Variants in AFDN observed in about 807,000 individuals in gnomAD.
The protein encoded by AFDN is afadin, adherens junction formation factor.
A neutral mutation model predicts 216.6 loss-of-function variants in AFDN; 68 were observed. That is an observed-to-expected ratio of 0.31 (90% CI 0.26 to 0.38). AFDN has a LOEUF of 0.38. AFDN is among the 10% of genes least tolerant of loss of function. The pLI is 1.00. For synonymous variants in AFDN, 868 were observed against 853.7 expected (o/e 1.02, Z -0.29); for missense variants, 2,136 against 2,342.0 (o/e 0.91, Z 1.82).
At chr6:167,883,546 G>A (rs951859762) in intron 6 of AFDN, among the ~76,000 whole-genome samples, 19 of 152,312 alleles carry the variant, frequency 1.2e-4, no homozygotes, top group South Asian at 6.2e-4. Flanking sequence ...GCCAGAGACC[G>A]TCACGGTAAA....
intron 1 of AFDN, among the ~76,000 whole-genome samples, chr6:167,859,996 T>A (rs764834034): frequency 3.3e-5 from 5 of 152,038 alleles, no homozygotes; most frequent in African/African-American, 1.2e-4. Context: ...TCCCTTTGAA[T>A]TAAATTATTG....
intron 8 of AFDN, 155 bp from the exon 9 acceptor site, chr6:167,893,707 A>T (rs562080787): frequency 3.1e-6 from 2 of 641,136 alleles, no homozygotes; most frequent in Admixed American, 2.4e-5. Context: ...ACAAAAGCTG[A>T]TGGGTGAAGT....
chr6:167,827,166 A>G lies in AFDN; in HGVS notation c.34A>G (p.Lys12Glu). ...SAGGRDEERRKLADIIHHWNA... is the reference protein window; with the variant it reads ...SAGGRDEERRELADIIHHWNA... ...GGGCGGCCGTGACGAGGAGCGGCGG[A>G]AGCTGGCCGACATCATCCACCACTG... The change falls in exon 1 of 34, where the codon AAG becomes GAG. Residue 12 changes from lysine (K) to glutamate (E), a missense_variant. This residue lies in a region of AFDN where 81 missense variants were observed against 51.2 expected (regional missense o/e 1.58). Coordinates refer to ENST00000683244, the MANE Select transcript of AFDN (RefSeq NM_001386888.1). 7.7e-7 allele frequency: 1 copy of G among 1,300,396 alleles called. No homozygotes were observed. Among genetic ancestry groups the G allele is most frequent in the Non-Finnish European group, 1.0e-6 (1 of 996,210 alleles). 80.6% of individuals were successfully genotyped at this position (1,300,396 alleles called of 1,614,324 possible). A position where few individuals can be genotyped will look rare whatever the true frequency, so the allele number is the denominator to read the frequency against.
intron 1 of AFDN, among the ~76,000 whole-genome samples, chr6:167,844,561 T>G (rs1781429469): frequency 6.6e-6 from 1 of 152,310 alleles, no homozygotes; most frequent in East Asian, 1.9e-4. Flanking sequence ...ATGAACATTT[T>G]TATACACATA....
chr6:167,935,965 T>C (rs1317783217), intron 23 of AFDN, among the ~76,000 whole-genome samples: 1 of 152,206 alleles, frequency 6.6e-6, no homozygotes, highest in Non-Finnish European at 1.5e-5. Flanking sequence ...GATAGAAATA[T>C]AATATGAGCT....
intron 30 of AFDN, 117 bp downstream of exon 30, chr6:167,952,304 CT>C: frequency 6.4e-7 from 1 of 1,555,382 alleles, no homozygotes; most frequent in African/African-American, 1.4e-5. Context: ...GGCCCCTAGG[CT>C]TATACTGTTT....
At chr6:167,854,789 A>C (rs1782709503) in intron 1 of AFDN, among the ~76,000 whole-genome samples, 1 of 150,636 alleles carries the variant, frequency 6.6e-6, no homozygotes, top group Admixed American at 6.7e-5. Flanking sequence ...AACATCTAGT[A>C]GGCTGACCCT....
chr6:167,908,862 A>G (rs1329258997), intron 13 of AFDN, among the ~76,000 whole-genome samples: 2 of 152,192 alleles, frequency 1.3e-5, no homozygotes, highest in Non-Finnish European at 2.9e-5. Flanking sequence ...TCACATGGGC[A>G]GTGTTATAAT....
At chr6:167,881,755 A>G (rs1424027003) in intron 6 of AFDN, among the ~76,000 whole-genome samples, 2 of 152,200 alleles carry the variant, frequency 1.3e-5, no homozygotes, top group African/African-American at 4.8e-5. Flanking sequence ...GAGTAGCACA[A>G]GGTGACAAGG....
In AFDN at chr6:167,860,853, A is replaced by C. The variant is rs151125427; in HGVS notation, c.106-3698A>C. Among the ~76,000 whole-genome samples, 540 of 152,350 alleles carry C rather than the reference A, an allele frequency of 3.5e-3. 3 individuals carry two copies. Among genetic ancestry groups the C allele is most frequent in the Non-Finnish European group, 5.8e-3 (393 of 68,028 alleles). ...GCCTGTCTAGGTAGGTGATGGTCTC[A>C]AGTCACCAACAATTTCTTTCTCTCA... On this transcript the variant is annotated intron_variant, in intron 1 of 33. Transcript: ENST00000683244.
At chr6:167,866,837 T>A (rs1197515399) in intron 2 of AFDN, among the ~76,000 whole-genome samples, 1 of 152,230 alleles carries the variant, frequency 6.6e-6, no homozygotes, top group Non-Finnish European at 1.5e-5. Context: ...ACCTTGTTTC[T>A]CTTGAATATT....
At chr6:167,830,079 C>A (rs1371442501) in intron 1 of AFDN, among the ~76,000 whole-genome samples, 1 of 152,148 alleles carries the variant, frequency 6.6e-6, no homozygotes, top group East Asian at 1.9e-4. Context: ...GACTTAATGT[C>A]TTGATTACTA....
intron 1 of AFDN, among the ~76,000 whole-genome samples, chr6:167,860,869 C>T (rs1266092715): frequency 6.6e-6 from 1 of 152,230 alleles, no homozygotes; most frequent in Non-Finnish European, 1.5e-5. Context: ...CCAACAATTT[C>T]TTTCTCTCAT....
chr6:167,919,032 T>G, intron 21 of AFDN, 99 bp downstream of exon 21: 4 of 959,788 alleles, frequency 4.2e-6, no homozygotes, highest in Non-Finnish European at 4.8e-6. Flanking sequence ...TGTGTGGGAG[T>G]GCACCCTCGT....
intron 21 of AFDN, among the ~76,000 whole-genome samples, chr6:167,920,532 G>A (rs1335719827): frequency 1.3e-5 from 2 of 152,032 alleles, no homozygotes; most frequent in African/African-American, 4.8e-5. Flanking sequence ...GTTAGTCCTC[G>A]GACAGTCTCC....
intron 1 of AFDN, among the ~76,000 whole-genome samples, chr6:167,834,244 C>G (rs1457860844): frequency 6.6e-6 from 1 of 152,126 alleles, no homozygotes; most frequent in Non-Finnish European, 1.5e-5. Context: ...TCTTTTATCT[C>G]TCATCCTCTT....
At chr6:167,862,186 G>A (rs2128221532) in intron 1 of AFDN, among the ~76,000 whole-genome samples, 1 of 152,270 alleles carries the variant, frequency 6.6e-6, no homozygotes, top group East Asian at 1.9e-4. Flanking sequence ...ATGCTTGAAT[G>A]ATTCCAAGAG....
chr6:167,899,633 C>T (rs1298250025), intron 11 of AFDN, among the ~76,000 whole-genome samples: 2 of 152,160 alleles, frequency 1.3e-5, no homozygotes, highest in Non-Finnish European at 2.9e-5. Context: ...AGCCCTGTTT[C>T]TTCCCTTCAG....
At position 167,911,278 on chromosome 6, in the gene AFDN, C is replaced by G; in HGVS notation, c.1832-6C>G. On this transcript the variant is annotated splice_polypyrimidine_tract_variant and splice_region_variant and intron_variant, in intron 14 of 33. Coordinates refer to ENST00000683244, the MANE Select transcript of AFDN (RefSeq NM_001386888.1). ...TTTTTTCTTTGTTTTTGAAATCTTTCCACAGCTGAAGATTCATTTTTGTCT... is the reference window on the plus strand; with the variant it reads ...TTTTTTCTTTGTTTTTGAAATCTTTGCACAGCTGAAGATTCATTTTTGTCT... 1.2e-6 allele frequency: 2 copies of G among 1,611,690 alleles called. No individual in the cohort carries two copies. The highest frequency in any genetic ancestry group is 1.7e-6 in the Non-Finnish European group (2 of 1,178,418).
Sources: gnomAD v4.1 joint callset for allele counts (sites outside exome capture counted in the v4.1 genomes callset) on GRCh38, gnomAD v4.1.1 for gene constraint, gnomAD v4.1.1 regional missense constraint, MANE v1.5 for transcripts, NCBI Gene and HGNC (gene_info 2026-07-23, HGNC 2026-07-21) for gene names.